SLC6A13: variants seen among roughly 807,000 people sequenced by gnomAD.
SLC6A13 encodes the protein sodium- and chloride-dependent GABA transporter 2.
SLC6A13 carries 69 observed loss-of-function variants against 72.9 expected under a neutral mutation model. That is an observed-to-expected ratio of 0.95 (90% CI 0.78 to 1.16). SLC6A13 has a LOEUF of 1.16. Among genes scored for constraint, SLC6A13 ranks in the 50% most tolerant of loss-of-function variants. SLC6A13 has a pLI of 0.00. For missense variants in SLC6A13, 735 were observed against 760.5 expected, an observed-to-expected ratio of 0.97 and a Z score of 0.39; for synonymous variants, 303 against 303.0, an observed-to-expected ratio of 1.00 and a Z score of 0.00.
At chr12:259,807 T>C in intron 2 of SLC6A13, 44 bp downstream of exon 2, 2 of 1,614,202 alleles carry the variant, frequency 1.2e-6, no homozygotes, top group Non-Finnish European at 1.7e-6. Flanking sequence ...GGAAGTATCC[T>C]CCTTCCAGGA....
At chr12:222,795 T>A (rs1941270025) in intron 12 of SLC6A13, among the ~76,000 whole-genome samples, 163 bp from the exon 13 acceptor site, 1 of 152,134 alleles carries the variant, frequency 6.6e-6, no homozygotes, top group Non-Finnish European at 1.5e-5. Context: ...TTCCCTGGCA[T>A]TCATAGGCAT....
chr12:224,190 G>C (rs1020164193), intron 10 of SLC6A13, 61 bp from the exon 11 acceptor site: 4 of 1,600,438 alleles, frequency 2.5e-6, no homozygotes, highest in Non-Finnish European at 2.6e-6. Context: ...CTGTCCATGA[G>C]CGCTGGCTTC....
intron 7 of SLC6A13, among the ~76,000 whole-genome samples, chr12:232,730 C>T (rs1177559667): frequency 1.3e-5 from 2 of 152,222 alleles, no homozygotes; most frequent in African/African-American, 4.8e-5. Context: ...AAGCTCCTAT[C>T]CCACCAGAAG....
In SLC6A13 at chr12:237,971, T is replaced by C; in HGVS notation, c.518A>G (p.Asn173Ser). The stretch of plus-strand genomic sequence containing the variant: ...AGAGGTGGCATTCTCAGAGGTACCA[T>C]TCAGGGAGCCGTTGGTCTTCTGGAA... ...MEFQKTNGSLNGTSENATSPV... is the reference protein window; with the variant it reads ...MEFQKTNGSLSGTSENATSPV... Residue 173 changes from asparagine to serine, a missense_variant, in exon 5 of 15, where the codon AAT becomes AGT. Physicochemically the swap from Asn to Ser is conservative, Grantham distance 46. Coordinates refer to ENST00000343164, the MANE Select transcript of SLC6A13 (RefSeq NM_016615.5). 1 of 1,614,058 alleles carries C rather than the reference T, an allele frequency of 6.2e-7. No homozygotes were observed. Among genetic ancestry groups the C allele is most frequent in the Non-Finnish European group, 8.5e-7 (1 of 1,179,954 alleles).
intron 2 of SLC6A13, among the ~76,000 whole-genome samples, chr12:251,776 G>T (rs187913573): frequency 2.0e-4 from 30 of 151,496 alleles, no homozygotes; most frequent in African/African-American, 6.8e-4. Flanking sequence ...AACATAGTGA[G>T]ACCTCGTCTC....
intron 7 of SLC6A13, among the ~76,000 whole-genome samples, chr12:230,004 C>A (rs1054966197): frequency 6.6e-6 from 1 of 152,160 alleles, no homozygotes; most frequent in African/African-American, 2.4e-5. Context: ...ATGCACTCTT[C>A]TTTGACCAAA....
chr12:230,651 G>A (rs532211699), intron 7 of SLC6A13, among the ~76,000 whole-genome samples: 3 of 152,284 alleles, frequency 2.0e-5, no homozygotes, highest in South Asian at 2.1e-4. Context: ...AACTATCATG[G>A]TAAATAAGAC....
intron 7 of SLC6A13, among the ~76,000 whole-genome samples, chr12:233,420 C>T (rs1941796010): frequency 6.6e-6 from 1 of 152,218 alleles, no homozygotes; most frequent in South Asian, 2.1e-4. Context: ...CCCCTCCCTA[C>T]CCGGACGGTA....
intron 2 of SLC6A13, among the ~76,000 whole-genome samples, chr12:257,626 G>A (rs1038621663): frequency 6.6e-6 from 1 of 152,120 alleles, no homozygotes; most frequent in Non-Finnish European, 1.5e-5. Context: ...CAGGACCCAC[G>A]TGAATGACCA....
Position 226,393 on chromosome 12 carries a change from A to G in SLC6A13, c.1057T>C (p.Ser353Pro), listed in dbSNP as rs1941455093. 1 of 1,613,710 alleles carries G rather than the reference A, an allele frequency of 6.2e-7. No homozygotes were observed. The highest frequency in any genetic ancestry group is 1.3e-5 in the African/African-American group (1 of 74,880). Reference sequence around the variant, plus strand: ...AGGCCTCCCCAGTAACACTCACCTGACTCGGCCACCTCAGAAATGGGCACC... The same window carrying G: ...AGGCCTCCCCAGTAACACTCACCTGGCTCGGCCACCTCAGAAATGGGCACC... ...QGVPISEVAE[S>P]GPGLAFIAYP... The change falls in exon 9 of 15, where the codon TCA becomes CCA. Residue 353 changes from serine (S) to proline (P), a missense_variant. Coordinates refer to ENST00000343164, the MANE Select transcript of SLC6A13 (RefSeq NM_016615.5).
At chr12:240,242 T>C (rs1942115052) in intron 4 of SLC6A13, among the ~76,000 whole-genome samples, 2 of 152,126 alleles carry the variant, frequency 1.3e-5, no homozygotes, top group Non-Finnish European at 1.5e-5. Context: ...CTTTCTCTAT[T>C]ACCCAGGCTG....
chr12:228,929 GC>G (rs1941590117), intron 7 of SLC6A13, among the ~76,000 whole-genome samples: 1 of 152,192 alleles, frequency 6.6e-6, no homozygotes, highest in Non-Finnish European at 1.5e-5. Context: ...CTGTCCTATG[GC>G]CCCTGCATCA....
intron 7 of SLC6A13, among the ~76,000 whole-genome samples, chr12:228,556 C>A (rs971851847): frequency 1.3e-5 from 2 of 152,146 alleles, no homozygotes; most frequent in Non-Finnish European, 2.9e-5. Context: ...CAGAACCCCC[C>A]CAAGCAGGCC....
chr12:243,739 C>T lies in SLC6A13; in HGVS notation c.277G>A (p.Gly93Ser), dbSNP rs960085071. The change falls in exon 3 of 15, where the codon GGC (glycine) becomes AGC (serine). Residue 93 changes from glycine to serine, a missense_variant. Gly to Ser is a moderately conservative substitution (Grantham distance 56). Coordinates refer to ENST00000343164, the MANE Select transcript of SLC6A13 (RefSeq NM_016615.5). ...IPVFLLETAL[G>S]QYTSQGGVTA... ...ACGCCTCCCTGGCTAGTGTACTGGC[C>T]TAGTGCTGTCTCCAGAAGGAAGACA... 6 of 1,614,034 alleles carry T rather than the reference C, an allele frequency of 3.7e-6. No individual in the cohort carries two copies. In the Admixed American group the frequency reaches 6.7e-5, roughly 18 times the overall value.
In SLC6A13 at chr12:227,571, C is replaced by T. The variant is rs780979529; in HGVS notation, c.929G>A (p.Cys310Tyr). Residue 310 changes from cysteine to tyrosine, a missense_variant, in exon 8 of 15, where the codon TGC becomes TAC. Physicochemically the swap from Cys to Tyr is radical, Grantham distance 194. Transcript: ENST00000343164. Reference sequence around the variant, plus strand: ...GCCCCACGCCCCCAATCACCTGTAGCAGTTGTTGTGGTACTTGTTGTAGCT... The same window carrying T: ...GCCCCACGCCCCCAATCACCTGTAGTAGTTGTTGTGGTACTTGTTGTAGCT... ...LGSYNKYHNN[C>Y]YRDCIALCFL... 9.2e-5 allele frequency: 149 copies of T among 1,613,878 alleles called. No individual in the cohort carries two copies. Among genetic ancestry groups the T allele is most frequent in the Non-Finnish European group, 1.2e-4 (146 of 1,179,950 alleles).
Position 237,965 on chromosome 12 carries a change from GT to G in SLC6A13, c.523del (p.Thr175ProfsTer18), listed in dbSNP as rs1942002241. ...FQKTNGSLNGTSENATSPVIE... is the reference protein window; with the variant it reads ...FQKTNGSLNGXSENATSPVIE... ...GACAGGAGAGGTGGCATTCTCAGAG[GT>G]ACCATTCAGGGAGCCGTTGGTCTTC... is the stretch of plus-strand genomic sequence containing the variant. On this transcript the variant is annotated frameshift_variant, in exon 5 of 15. Coordinates refer to ENST00000343164, the MANE Select transcript of SLC6A13 (RefSeq NM_016615.5). LOFTEE classifies it high-confidence loss of function. 1.2e-6 allele frequency: 2 copies of G among 1,614,046 alleles called. No homozygotes were observed. The highest frequency in any genetic ancestry group is 1.3e-5 in the African/African-American group (1 of 75,012).
rs79602728 is a variant in SLC6A13, at chr12:222,604, T to C, written c.1443A>G (p.Glu481=). The C allele has an allele frequency of 5.5e-4, 889 of 1,609,820 alleles. 7 individuals carry two copies. The African/African-American group carries it at 0.011, about 20-fold the overall frequency. Residue 481 remains glutamate, a synonymous_variant, in exon 13 of 15, where the codon GAA becomes GAG. Transcript: ENST00000343164. Reference sequence around the variant, plus strand: ...GCCATGGCCTGTACCCAATCATGTCTTCGATGTTGTCGTAGAAGCGCTTGG... The same window carrying C: ...GCCATGGCCTGTACCCAATCATGTCCTCGATGTTGTCGTAGAAGCGCTTGG... ...YGAKRFYDNI[E]DMIGYRPWPL... is the part of the protein sequence containing the mutation.
chr12:233,271 C>G (rs904566299), intron 7 of SLC6A13, among the ~76,000 whole-genome samples: 3 of 152,178 alleles, frequency 2.0e-5, no homozygotes, highest in African/African-American at 7.2e-5. Flanking sequence ...CCCACGCACC[C>G]CTCCGGCCCT....
At position 222,725 on chromosome 12, in the gene SLC6A13, G is replaced by A. The variant is rs539478160; in HGVS notation, c.1415-93C>T. Reference sequence around the variant, plus strand: ...GGCCACAAACAGACCAGAATGGGCAGGGACCCATAAAGAGATGACATCACA... The same window carrying A: ...GGCCACAAACAGACCAGAATGGGCAAGGACCCATAAAGAGATGACATCACA... On this transcript the variant is annotated intron_variant, in intron 12 of 14. Coordinates refer to ENST00000343164, the MANE Select transcript of SLC6A13 (RefSeq NM_016615.5). The A allele has an allele frequency of 1.5e-3, 1,091 of 730,970 alleles. 9 individuals carry two copies. Among genetic ancestry groups the A allele is most frequent in the Middle Eastern group, 6.3e-3 (24 of 3,794 alleles). 45.3% of individuals were successfully genotyped at this position (730,970 alleles called of 1,614,324 possible). A position where few individuals can be genotyped will look rare whatever the true frequency, so the allele number is the denominator to read the frequency against.
Sources: gnomAD v4.1 joint callset for allele counts (sites outside exome capture counted in the v4.1 genomes callset) on GRCh38, gnomAD v4.1.1 for gene constraint, MANE v1.5 for transcripts, NCBI Gene and HGNC (gene_info 2026-07-23, HGNC 2026-07-21) for gene names.